Variants in SEC14L5 observed in about 807,000 individuals in gnomAD.
The protein encoded by SEC14L5 is SEC14-like protein 5.
SEC14L5 carries 96 observed loss-of-function variants against 84.6 expected under a neutral mutation model. That is an observed-to-expected ratio of 1.13 (90% CI 0.96 to 1.34). The LOEUF (loss-of-function observed/expected upper bound fraction) is 1.34. SEC14L5 is among the 40% of genes most tolerant of loss of function. The pLI, the probability that SEC14L5 is intolerant of heterozygous loss-of-function variation, is 0.00. For synonymous variants in SEC14L5, 546 were observed against 383.4 expected, an observed-to-expected ratio of 1.42 and a Z score of -4.95; for missense variants, 1,224 against 942.5, an observed-to-expected ratio of 1.30 and a Z score of -3.91.
intron 2 of SEC14L5, among the ~76,000 whole-genome samples, chr16:4,977,186 C>T (rs908492624): frequency 2.6e-5 from 4 of 151,952 alleles, no homozygotes; most frequent in African/African-American, 9.7e-5. Flanking sequence ...GTGGCTCACG[C>T]CTGTAATCCC....
chr16:5,000,961 C>G (rs1012333652), intron 10 of SEC14L5, 36 bp downstream of exon 10: 14 of 1,534,166 alleles, frequency 9.1e-6, no homozygotes, highest in Non-Finnish European at 1.2e-5. Context: ...CCCCCCTAAA[C>G]AGCAAAGACG....
chr16:5,001,172 T>A (rs1329575439), intron 10 of SEC14L5, among the ~76,000 whole-genome samples: 1 of 152,066 alleles, frequency 6.6e-6, no homozygotes, highest in African/African-American at 2.4e-5. Context: ...CAGAGCTGGA[T>A]TTGAACCTGG....
chr16:4,999,204 A>G (rs1462970429), intron 8 of SEC14L5, among the ~76,000 whole-genome samples: 5 of 152,222 alleles, frequency 3.3e-5, no homozygotes, highest in African/African-American at 9.6e-5. Context: ...TGCTCCATGC[A>G]GAAAACACCC....
intron 8 of SEC14L5, 28 bp from the exon 9 acceptor site, chr16:5,000,624 CTCT>C (rs1033762612): frequency 8.6e-6 from 13 of 1,507,236 alleles, no homozygotes; most frequent in Non-Finnish European, 1.2e-5. Flanking sequence ...AAATAACGGG[CTCT>C]TCTTTCTGCT....
rs1222332432 is a variant in SEC14L5, at chr16:4,983,913, TAAA to T, written c.64-3643_64-3641del. On this transcript the variant is annotated intron_variant, in intron 2 of 15. Coordinates refer to ENST00000251170, the MANE Select transcript of SEC14L5 (RefSeq NM_014692.2). ...ATAAATAAATAAATAAATAAATAAA[TAAA>T]TAGTATATGTATACATGTGGATTCA... Among the ~76,000 whole-genome samples the T allele has an allele frequency of 4.1e-5, 6 of 145,034 alleles. No homozygotes were observed. In the East Asian group the frequency reaches 1.2e-3, roughly 28 times the overall value.
chr16:4,994,069 G>A (rs1323624795), intron 6 of SEC14L5, among the ~76,000 whole-genome samples: 1 of 149,518 alleles, frequency 6.7e-6, no homozygotes, highest in Non-Finnish European at 1.5e-5. Flanking sequence ...CTTTGTATAT[G>A]AAGGCAACTA....
rs765622458 is a variant in SEC14L5, at chr16:4,997,083, T to C, written c.970+39T>C. 26 of 1,463,090 alleles carry C rather than the reference T, an allele frequency of 1.8e-5. 1 individual carries two copies. In the African/African-American group the frequency reaches 2.7e-4, roughly 15 times the overall value. The allele number at this position is 1,463,090 out of a possible 1,614,324, so 90.6% of individuals were successfully genotyped here. A position where few individuals can be genotyped will look rare whatever the true frequency, so the allele number is the denominator to read the frequency against. ...CCCACATCATGTATAGGGCATACTT[T>C]GGTCACTGCCAAATGCACTTTATTT... is the stretch of plus-strand genomic sequence containing the variant. On this transcript the variant is annotated intron_variant, in intron 8 of 15. Coordinates refer to ENST00000251170, the MANE Select transcript of SEC14L5 (RefSeq NM_014692.2).
Position 5,003,493 on chromosome 16 carries a change from G to A in SEC14L5, c.1222G>A (p.Val408Ile). The part of the protein sequence containing the change: ...VKALLRMIEV[V>I]EDNYPETLGR... Reference sequence around the variant, plus strand: ...GGCCCTGCTGCGGATGATTGAGGTGGTTGAGGACAATTACCCAGAGACCCT... The same window carrying A: ...GGCCCTGCTGCGGATGATTGAGGTGATTGAGGACAATTACCCAGAGACCCT... Residue 408 changes from valine (V) to isoleucine (I), a missense_variant, in exon 11 of 16, where the codon GTT becomes ATT. Val to Ile is a conservative substitution (Grantham distance 29). Transcript: ENST00000251170. The A allele has an allele frequency of 6.2e-7, 1 of 1,613,150 alleles. No individual in the cohort carries two copies. Among genetic ancestry groups the A allele is most frequent in the Non-Finnish European group, 8.5e-7 (1 of 1,179,574 alleles).
At chr16:4,967,560 T>C (rs1955217044) in intron 2 of SEC14L5, among the ~76,000 whole-genome samples, 1 of 135,718 alleles carries the variant, frequency 7.4e-6, no homozygotes, top group African/African-American at 2.7e-5. Context: ...TTTCTTTCTT[T>C]CGTTTTTTTT....
chr16:4,961,365 G>C (rs1176539407), intron 2 of SEC14L5, among the ~76,000 whole-genome samples: 2 of 152,176 alleles, frequency 1.3e-5, no homozygotes, highest in Non-Finnish European at 2.9e-5. Context: ...GTCTCACTCT[G>C]TTGCCCAGAC....
intron 10 of SEC14L5, 119 bp from the exon 11 acceptor site, chr16:5,003,282 AG>A: frequency 1.4e-6 from 1 of 718,050 alleles, no homozygotes. Flanking sequence ...CTGTGGCAGG[AG>A]CCCCCATCTG....
intron 2 of SEC14L5, chr16:4,960,614 G>A (rs1955110249): frequency 1.3e-5 from 2 of 152,212 alleles, no homozygotes; most frequent in Non-Finnish European, 2.9e-5. Flanking sequence ...GGCAGGAACT[G>A]GCTTAGGGTC....
Position 5,005,910 on chromosome 16 carries a change from T to G in SEC14L5, c.1303-4T>G. ...ATCCATCTTGCCTTATGTCCTGGTT[T>G]CAGATCAGCCCCTTCATCAATGAGA... On this transcript the variant is annotated splice_polypyrimidine_tract_variant and splice_region_variant and intron_variant, in intron 11 of 15. Coordinates refer to ENST00000251170, the MANE Select transcript of SEC14L5 (RefSeq NM_014692.2). The G allele has an allele frequency of 2.5e-6, 4 of 1,571,624 alleles. No individual in the cohort carries two copies. Among genetic ancestry groups the G allele is most frequent in the Non-Finnish European group, 3.5e-6 (4 of 1,156,752 alleles).
chr16:4,967,824 C>T (rs1427969021), intron 2 of SEC14L5, among the ~76,000 whole-genome samples: 3 of 150,886 alleles, frequency 2.0e-5, no homozygotes, highest in East Asian at 2.0e-4. Flanking sequence ...CCTGAGGTCA[C>T]TTGAACTCCT....
Position 4,980,592 on chromosome 16 carries a change from C to A in SEC14L5, c.64-6965C>A, listed in dbSNP as rs190821415. Among the ~76,000 whole-genome samples, 502 of 152,204 alleles carry A rather than the reference C, an allele frequency of 3.3e-3. 11 individuals are homozygous for A. Among genetic ancestry groups the A allele is most frequent in the Non-Finnish European group, 8.7e-4 (59 of 68,020 alleles). On this transcript the variant is annotated intron_variant, in intron 2 of 15. Transcript: ENST00000251170. ...CTTCTTTGCTGGTTAGCATTGTTAG[C>A]GCCAAGGGTGTGCCGAGGACCAAGC...
chr16:4,974,221 T>C lies in SEC14L5; in HGVS notation c.64-13336T>C, dbSNP rs112091796. Among the ~76,000 whole-genome samples, 150 of 152,242 alleles carry C rather than the reference T, an allele frequency of 9.9e-4. 1 individual carries two copies. Among genetic ancestry groups the C allele is most frequent in the African/African-American group, 3.4e-3 (143 of 41,552 alleles). On this transcript the variant is annotated intron_variant, in intron 2 of 15. Coordinates refer to ENST00000251170, the MANE Select transcript of SEC14L5 (RefSeq NM_014692.2). ...ATGAAACACACTGGACTGCATACTT[T>C]ATATTTTATTTTTTGAGACAGGGTC...
chr16:4,989,598 T>G (rs1955530533), intron 4 of SEC14L5, among the ~76,000 whole-genome samples: 1 of 152,150 alleles, frequency 6.6e-6, no homozygotes, highest in Admixed American at 6.5e-5. Context: ...CCACCCACCT[T>G]GGCCTTCCAA....
chr16:4,991,977 C>G lies in SEC14L5; in HGVS notation c.614C>G (p.Ala205Gly). The change falls in exon 6 of 16, where the codon GCC becomes GGC. Residue 205 changes from alanine to glycine, a missense_variant. Ala to Gly is a moderately conservative substitution (Grantham distance 60). Transcript: ENST00000251170. Reference sequence around the variant, plus strand: ...CCGAGGGACCCCAGCTCCCTGGAGGCCCACGGGCCCCGTAGCACCCTGGGG... The same window carrying G: ...CCGAGGGACCCCAGCTCCCTGGAGGGCCACGGGCCCCGTAGCACCCTGGGG... ...AGPRDPSSLE[A>G]HGPRSTLGPA... The G allele has an allele frequency of 6.3e-7, 1 of 1,587,692 alleles. No individual in the cohort carries two copies.
intron 4 of SEC14L5, among the ~76,000 whole-genome samples, chr16:4,988,554 G>A (rs1299230983): frequency 6.6e-6 from 1 of 152,134 alleles, no homozygotes; most frequent in African/African-American, 2.4e-5. Flanking sequence ...GACATCCTGT[G>A]TTTTATCTGT....
Sources: gnomAD v4.1 joint callset for allele counts (sites outside exome capture counted in the v4.1 genomes callset) on GRCh38, gnomAD v4.1.1 for gene constraint, MANE v1.5 for transcripts, NCBI Gene and HGNC (gene_info 2026-07-23, HGNC 2026-07-21) for gene names.